Variants in PPP2R2A observed in about 807,000 individuals in gnomAD.
The protein encoded by PPP2R2A is protein phosphatase 2 regulatory subunit Balpha.
Under a neutral mutation model 53.2 loss-of-function variants are expected in PPP2R2A, and 9 were observed. The ratio of observed to expected loss-of-function variants is 0.17; its 90% CI spans 0.10 to 0.30. The LOEUF is 0.30. Among genes scored for constraint, PPP2R2A ranks in the 10% least tolerant of loss-of-function variants. PPP2R2A has a pLI of 1.00. For missense variants in PPP2R2A, 235 were observed against 534.6 expected (o/e 0.44, Z 5.53); for synonymous variants, 169 against 174.2 (o/e 0.97, Z 0.23).
intron 2 of PPP2R2A, among the ~76,000 whole-genome samples, chr8:26,304,593 C>T (rs1256113248): frequency 1.3e-5 from 2 of 152,072 alleles, no homozygotes; most frequent in Admixed American, 6.6e-5. Flanking sequence ...TGTTACCCTG[C>T]GTGTCTGTTT....
intron 2 of PPP2R2A, among the ~76,000 whole-genome samples, chr8:26,318,556 C>T (rs1802680668): frequency 6.6e-6 from 1 of 152,196 alleles, no homozygotes; most frequent in South Asian, 2.1e-4. Flanking sequence ...ATATGATGCT[C>T]TTCTGCCTAC....
At chr8:26,314,115 A>G (rs1242089288) in intron 2 of PPP2R2A, among the ~76,000 whole-genome samples, 3 of 152,176 alleles carry the variant, frequency 2.0e-5, no homozygotes, top group African/African-American at 7.2e-5. Context: ...AATTTTCCAC[A>G]TGATCAAGAA....
intron 2 of PPP2R2A, among the ~76,000 whole-genome samples, chr8:26,297,019 A>G (rs1412011565): frequency 6.6e-6 from 1 of 152,080 alleles, no homozygotes; most frequent in Non-Finnish European, 1.5e-5. Context: ...GTGTTTAGCA[A>G]TGGAATAACA....
At chr8:26,310,361 T>C (rs561760191) in intron 2 of PPP2R2A, among the ~76,000 whole-genome samples, 1 of 146,064 alleles carries the variant, frequency 6.8e-6, no homozygotes, top group South Asian at 2.2e-4. Flanking sequence ...TTATATTATA[T>C]CTGTTAATAT....
intron 9 of PPP2R2A, among the ~76,000 whole-genome samples, chr8:26,369,687 C>T (rs565772021): frequency 3.3e-5 from 5 of 152,284 alleles, no homozygotes; most frequent in Admixed American, 2.0e-4. Context: ...CCACTGCGCC[C>T]GGCCCAAAAA....
At chr8:26,324,611 C>A (rs1000515718) in intron 2 of PPP2R2A, among the ~76,000 whole-genome samples, 14 of 152,166 alleles carry the variant, frequency 9.2e-5, no homozygotes, top group Middle Eastern at 3.2e-3. Flanking sequence ...GGTCGGAGCC[C>A]CCACACAGAG....
In PPP2R2A at chr8:26,338,318, G is replaced by C. The variant is rs1322673090; in HGVS notation, c.83-572G>C. Among the ~76,000 whole-genome samples the C allele has an allele frequency of 6.6e-6, 1 of 152,084 alleles. No individual in the cohort carries two copies. The highest frequency in any genetic ancestry group is 6.6e-5 in the Admixed American group (1 of 15,262). On this transcript the variant is annotated intron_variant, in intron 2 of 9. Transcript: ENST00000380737. The surrounding 1 kb of genome is among the most constrained non-coding windows in gnomAD (Gnocchi z 4.5). ...TGATTCTAGTGGTCCTGCAGTGTAG[G>C]GGAGCTGGAGGAGCCGTGCACATTG...
intron 2 of PPP2R2A, among the ~76,000 whole-genome samples, chr8:26,330,881 C>G (rs574187798): frequency 6.6e-6 from 1 of 152,164 alleles, no homozygotes; most frequent in Admixed American, 6.5e-5. Flanking sequence ...TGATCCTTTC[C>G]AAGGATCAAA....
rs1021097745 is a variant in PPP2R2A at position 26,370,049 on chromosome 8, C to T, written c.1065-85C>T. On this transcript the variant is annotated intron_variant, in intron 9 of 9. Transcript: ENST00000380737. The surrounding 1 kb of genome is among the most constrained non-coding windows in gnomAD (Gnocchi z 6.1). ...TTTAAATCTGCTTTTGAAGTAGCTT[C>T]CTATGGTTTAATTGCCGAATCATTT... 1.4e-6 allele frequency: 2 copies of T among 1,413,232 alleles called. No homozygotes were observed. The highest frequency in any genetic ancestry group is 1.9e-6 in the Non-Finnish European group (2 of 1,025,810). 87.5% of individuals were successfully genotyped at this position (1,413,232 alleles called of 1,614,324 possible). A position where few individuals can be genotyped will look rare whatever the true frequency, so the allele number is the denominator to read the frequency against.
At chr8:26,350,465 T>C (rs574616699) in intron 3 of PPP2R2A, 25 of 152,346 alleles carry the variant, frequency 1.6e-4, no homozygotes, top group African/African-American at 6.0e-4. Context: ...AGTGGTGCGC[T>C]TACAGCTCAC....
At chr8:26,358,736 CTG>C (rs1480940150) in intron 4 of PPP2R2A, among the ~76,000 whole-genome samples, 2 of 152,082 alleles carry the variant, frequency 1.3e-5, no homozygotes, top group African/African-American at 4.8e-5. Context: ...ATAAGAAAAA[CTG>C]TTATACAATT....
In PPP2R2A at chr8:26,370,397, A is replaced by G; in HGVS notation, c.1328A>G (p.Gln443Arg). 6.2e-7 allele frequency: 1 copy of G among 1,613,958 alleles called. No homozygotes were observed. The highest frequency in any genetic ancestry group is 8.5e-7 in the Non-Finnish European group (1 of 1,179,818). Residue 443 changes from glutamine (Q) to arginine (R), a missense_variant, in exon 10 of 10, where the codon CAA (glutamine) becomes CGA (arginine). By Grantham distance (43) the Gln-to-Arg change is conservative. This residue lies in a region of PPP2R2A where 181 missense variants were observed against 409.9 expected (regional missense o/e 0.44). Transcript: ENST00000380737. This position sits in a 1 kb window ranked among gnomAD's most constrained non-coding sequence, Gnocchi z 6.1. ...ACTACAAACAATCTGTATATATTTC[A>G]AGACAAAGTGAATTAGGGTTGGCAT... Reference protein sequence around the residue: ...VATTNNLYIFQDKVN With the variant: ...VATTNNLYIFRDKVN
In PPP2R2A at chr8:26,362,369, G is replaced by T. The variant is rs1805151389; in HGVS notation, c.638-315G>T. 2.0e-5 allele frequency among the ~76,000 whole-genome samples: 3 copies of T among 151,720 alleles called. No individual in the cohort carries two copies. Among genetic ancestry groups the T allele is most frequent in the African/African-American group, 7.3e-5 (3 of 41,308 alleles). On this transcript the variant is annotated intron_variant, in intron 6 of 9. Coordinates refer to ENST00000380737, the MANE Select transcript of PPP2R2A (RefSeq NM_002717.4). The surrounding 1 kb of genome is among the most constrained non-coding windows in gnomAD (Gnocchi z 4.4). Reference sequence around the variant, plus strand: ...AAAAAAAAAAAATTAGTCAGTTGTAGTGGTGTGCGCCTGTAATCCCAGCTT... The same window carrying T: ...AAAAAAAAAAAATTAGTCAGTTGTATTGGTGTGCGCCTGTAATCCCAGCTT...
chr8:26,338,838 G>T lies in PPP2R2A; in HGVS notation c.83-52G>T. The T allele has an allele frequency of 1.6e-6, 2 of 1,287,992 alleles. No individual in the cohort carries two copies. The highest frequency in any genetic ancestry group is 2.6e-5 in the South Asian group (2 of 77,258). 79.8% of individuals were successfully genotyped at this position (1,287,992 alleles called of 1,614,324 possible). A position where few individuals can be genotyped will look rare whatever the true frequency, so the allele number is the denominator to read the frequency against. ...AAACACGCTAAGTTCTGAAACTAGTGAGTCGGGAAAGAAAAACTAATATCT... is the reference window on the plus strand; with the variant it reads ...AAACACGCTAAGTTCTGAAACTAGTTAGTCGGGAAAGAAAAACTAATATCT... On this transcript the variant is annotated intron_variant, in intron 2 of 9. Transcript: ENST00000380737. This position sits in a 1 kb window ranked among gnomAD's most constrained non-coding sequence, Gnocchi z 4.5.
At chr8:26,320,834 A>G (rs1371757594) in intron 2 of PPP2R2A, among the ~76,000 whole-genome samples, 2 of 151,660 alleles carry the variant, frequency 1.3e-5, no homozygotes, top group African/African-American at 4.9e-5. Context: ...TCTTTGTTTT[A>G]TCCAACAATA....
chr8:26,299,601 T>A (rs1192203108), intron 2 of PPP2R2A, among the ~76,000 whole-genome samples: 2 of 152,184 alleles, frequency 1.3e-5, no homozygotes, highest in African/African-American at 4.8e-5. Context: ...AGGACATAAG[T>A]AAAAATTTGA....
chr8:26,319,116 G>A (rs1348858012), intron 2 of PPP2R2A, among the ~76,000 whole-genome samples: 1 of 152,114 alleles, frequency 6.6e-6, no homozygotes, highest in African/African-American at 2.4e-5. Context: ...TACAGTATTT[G>A]TCTTTTGTGA....
intron 7 of PPP2R2A, chr8:26,363,193 CTGAGGTTTCCT>C (rs1805202860): frequency 7.1e-6 from 1 of 140,486 alleles, no homozygotes; most frequent in Non-Finnish European, 1.4e-5. Context: ...AAGATTTCTT[CTGAGGTTTCCT>C]TGGCTTAAAA....
At chr8:26,365,049 A>C (rs994381363) in intron 8 of PPP2R2A, 3 of 152,160 alleles carry the variant, frequency 2.0e-5, no homozygotes, top group Non-Finnish European at 4.4e-5. Context: ...CATTGAGAAG[A>C]ATTGATTTGA....
Sources: allele counts gnomAD v4.1 joint callset (sites outside exome capture counted in the v4.1 genomes callset), GRCh38; gene constraint gnomAD v4.1.1; regional missense constraint gnomAD v4.1.1; non-coding constraint Gnocchi (gnomAD v3.1); transcripts MANE v1.5; gene names NCBI Gene and HGNC (gene_info 2026-07-23, HGNC 2026-07-21).